The following ZNF846 variants were observed in gnomAD, a reference collection of about 807,000 sequenced individuals.
The protein encoded by ZNF846 is zinc finger protein 846, also known as zinc finger protein 420 pseudogene.
ZNF846 carries 15 observed loss-of-function variants against 16.0 expected under a neutral mutation model. That is an observed-to-expected ratio of 0.94 (90% confidence interval 0.63 to 1.45). The LOEUF (loss-of-function observed/expected upper bound fraction) is 1.45, where lower values mean the gene tolerates loss of function less well. Among genes scored for constraint, ZNF846 ranks in the 40% most tolerant of loss-of-function variants. ZNF846 has a pLI of 0.00. For synonymous variants in ZNF846, 229 were observed against 212.0 expected, an observed-to-expected ratio of 1.08 and a Z score of -0.70; for missense variants, 714 against 622.3, an observed-to-expected ratio of 1.15 and a Z score of -1.57.
Position 9,757,759 on chromosome 19 carries a change from G to A in ZNF846, c.1318C>T (p.His440Tyr), listed in dbSNP as rs747701650. ...TTTTCTCCAGTGTGAGTTCTTAAAT[G>A]GGTACTAAGGCCCGAGGATTGAGTG... Residue 440 changes from histidine to tyrosine, a missense_variant, in exon 6 of 6, where the codon CAT (histidine) becomes TAT (tyrosine). Transcript: ENST00000397902. The A allele has an allele frequency of 2.2e-5, 36 of 1,613,374 alleles. No homozygotes were observed. In the East Asian group the frequency reaches 7.6e-4, roughly 34 times the overall value.
intron 4 of ZNF846, among the ~76,000 whole-genome samples, chr19:9,760,662 T>C (rs1323060059): frequency 6.7e-6 from 1 of 148,190 alleles, no homozygotes; most frequent in Non-Finnish European, 1.5e-5. Context: ...GATCATGCCA[T>C]TGCACTCCAG....
At chr19:9,757,664 C>T (rs377731453) in exon 6 of ZNF846, 132 of 1,611,200 alleles carry the variant, frequency 8.2e-5, no homozygotes, top group Non-Finnish European at 9.5e-5. Flanking sequence ...CTCCTGTGTG[C>T]GTTCGCATGT....
rs1051636470 is a variant in ZNF846 at position 9,759,406 on chromosome 19, C to A, written c.312+454G>T. ...TGCTTTGAGCTCAGGAGTTTGAGACCAGCCTGGACAAAATGGTGAAACCCC... is the reference window on the plus strand; with the variant it reads ...TGCTTTGAGCTCAGGAGTTTGAGACAAGCCTGGACAAAATGGTGAAACCCC... On this transcript the variant is annotated intron_variant, in intron 5 of 5. Coordinates refer to ENST00000397902, the Ensembl canonical transcript of ZNF846. Among the ~76,000 whole-genome samples the A allele has an allele frequency of 3.2e-4, 48 of 151,350 alleles. 2 individuals are homozygous for A. The highest frequency in any genetic ancestry group is 1.1e-3 in the African/African-American group (45 of 40,900).
upstream of ZNF846, among the ~76,000 whole-genome samples, chr19:9,772,598 GAA>G (rs58605747): frequency 4.5e-5 from 6 of 131,886 alleles, no homozygotes; most frequent in African/African-American, 1.1e-4. Context: ...CTCCGTCTCA[GAA>G]AAAAAAAAAA....
chr19:9,773,364 G>T (rs1266555782), upstream of ZNF846, among the ~76,000 whole-genome samples: 1 of 152,120 alleles, frequency 6.6e-6, no homozygotes, highest in Non-Finnish European at 1.5e-5. Flanking sequence ...CAGAAAAATA[G>T]AAATTAGTGA....
downstream of ZNF846, among the ~76,000 whole-genome samples, chr19:9,755,068 G>A (rs1358663246): frequency 6.6e-6 from 1 of 151,218 alleles, no homozygotes; most frequent in East Asian, 1.9e-4. Flanking sequence ...GTTTCACCAT[G>A]TTAGCCAGGC....
At chr19:9,763,520 C>G in intron 2 of ZNF846, 112 bp from the exon 3 acceptor site, 1 of 940,720 alleles carries the variant, frequency 1.1e-6, no homozygotes, top group Non-Finnish European at 1.5e-6. Context: ...TCCCAGGCCT[C>G]AGGCCTCTTC....
Position 9,778,472 on chromosome 19 carries a change from T to C in ZNF846, c.-86+7466A>G, listed in dbSNP as rs1190796935. 2.6e-5 allele frequency among the ~76,000 whole-genome samples: 4 copies of C among 152,098 alleles called. No homozygotes were observed. The East Asian group carries it at 5.8e-4, about 22-fold the overall frequency. On this transcript the variant is annotated intron_variant, in intron 1 of 4. Transcript: ENST00000586814. ...TCACTGCTCTAGACCTACCTCCCAATTTACAGAAAATGCAGGTGACAGAAA... is the reference window on the plus strand; with the variant it reads ...TCACTGCTCTAGACCTACCTCCCAACTTACAGAAAATGCAGGTGACAGAAA...
chr19:9,782,432 T>G (rs563931641), intron 1 of ZNF846, among the ~76,000 whole-genome samples: 1 of 152,206 alleles, frequency 6.6e-6, no homozygotes, highest in African/African-American at 2.4e-5. Flanking sequence ...ACCTAATTTT[T>G]AATTTTTTGT....
intron 4 of ZNF846, among the ~76,000 whole-genome samples, chr19:9,761,056 A>G (rs1178733348): frequency 6.7e-6 from 1 of 149,638 alleles, no homozygotes; most frequent in Non-Finnish European, 1.5e-5. Context: ...AAAATTCACC[A>G]GGCATGGTGG....
At chr19:9,758,725 G>T in exon 6 of ZNF846, 3 of 1,598,454 alleles carry the variant, frequency 1.9e-6, no homozygotes, top group Non-Finnish European at 2.6e-6. Context: ...TTTCCAGAAT[G>T]GTTAGAGTCA....
chr19:9,762,764 G>A (rs1051637662), intron 3 of ZNF846, among the ~76,000 whole-genome samples: 5 of 152,238 alleles, frequency 3.3e-5, no homozygotes, highest in Non-Finnish European at 5.9e-5. Flanking sequence ...ACTAACGATC[G>A]CTGATGAGCT....
intron 4 of ZNF846, 96 bp downstream of exon 4, chr19:9,761,986 A>G (rs2045238415): frequency 2.0e-6 from 2 of 985,448 alleles, no homozygotes; most frequent in African/African-American, 1.6e-5. Context: ...AGAAGAGTAT[A>G]CCCTGAGAAG....
At chr19:9,783,539 AAAAAAATATATATATAT>A (rs2045525812) in intron 1 of ZNF846, among the ~76,000 whole-genome samples, 1 of 124,014 alleles carries the variant, frequency 8.1e-6, no homozygotes, top group Non-Finnish European at 1.7e-5. Flanking sequence ...AAAAAAAAAA[AAAAAAATATATATATAT>A]ATATATATAT....
chr19:9,776,448 C>G (rs2045443966), intron 1 of ZNF846, among the ~76,000 whole-genome samples: 1 of 152,246 alleles, frequency 6.6e-6, no homozygotes, highest in African/African-American at 2.4e-5. Context: ...CATAAGCTGT[C>G]TTTCTCTCTG....
At chr19:9,774,860 C>T (rs1461163040) in intron 1 of ZNF846, 35 of 1,610,054 alleles carry the variant, frequency 2.2e-5, no homozygotes, top group South Asian at 1.9e-4. Flanking sequence ...GCACCCGCTT[C>T]GGGCTGACCT....
chr19:9,783,544 A>ATATATATATATAT (rs59645706), intron 1 of ZNF846, among the ~76,000 whole-genome samples: 2 of 108,796 alleles, frequency 1.8e-5, no homozygotes, highest in African/African-American at 8.8e-5. Flanking sequence ...AAAAAAAAAA[A>ATATATATATATAT]ATATATATAT....
intron 1 of ZNF846, among the ~76,000 whole-genome samples, chr19:9,784,711 G>A (rs1489977920): frequency 2.0e-5 from 3 of 152,058 alleles, no homozygotes; most frequent in Non-Finnish European, 4.4e-5. Context: ...GACAATACCC[G>A]GGCTTTCTTG....
upstream of ZNF846, among the ~76,000 whole-genome samples, chr19:9,769,792 A>T (rs1271911436): frequency 1.3e-5 from 2 of 151,970 alleles, no homozygotes; most frequent in Non-Finnish European, 2.9e-5. Flanking sequence ...CCTGGCCAAC[A>T]TGCCGAAACC....
Sources: allele counts gnomAD v4.1 joint callset (sites outside exome capture counted in the v4.1 genomes callset), GRCh38; gene constraint gnomAD v4.1.1; transcripts MANE v1.5; gene names NCBI Gene and HGNC (gene_info 2026-07-23, HGNC 2026-07-21).